EIF4EBP2: variants seen among roughly 807,000 people sequenced by gnomAD.
The protein encoded by EIF4EBP2 is eukaryotic translation initiation factor 4E binding protein 2, also known as eukaryotic translation initiation factor 4E-binding protein 2.
Under a neutral mutation model 10.3 loss-of-function variants are expected in EIF4EBP2, and 5 were observed. The observed-to-expected ratio is 0.48, with a 90% CI of 0.25 to 1.02. The LOEUF (loss-of-function observed/expected upper bound fraction) is 1.02, where lower values mean the gene tolerates loss of function less well. Among genes scored for constraint, EIF4EBP2 ranks in the 50% least tolerant of loss-of-function variants. The pLI, the probability that EIF4EBP2 is intolerant of heterozygous loss-of-function variation, is 0.15. For missense variants in EIF4EBP2, 188 were observed against 162.2 expected (o/e 1.16, Z -0.86); for synonymous variants, 67 against 61.1 (o/e 1.10, Z -0.45).
chr10:70,404,355 G>C lies in EIF4EBP2; in HGVS notation c.-47G>C. ...GAGCCGAAGCAGCCCCGGCCCCGCC[G>C]CCGCCGCCTGCCCGCCGGACAAAGC... On this transcript the variant is annotated 5_prime_UTR_variant, in exon 1 of 3. Coordinates refer to ENST00000373218, the MANE Select transcript of EIF4EBP2 (RefSeq NM_004096.5). The C allele has an allele frequency of 6.7e-7, 1 of 1,488,780 alleles. No individual in the cohort carries two copies. The highest frequency in any genetic ancestry group is 8.9e-7 in the Non-Finnish European group (1 of 1,122,626). The allele number at this position is 1,488,780 out of a possible 1,614,324, so 92.2% of individuals were successfully genotyped here.
In EIF4EBP2 at chr10:70,422,524, C is replaced by T. The variant is rs542132313; in HGVS notation, c.*777C>T. 1 of 152,266 alleles carries T rather than the reference C, an allele frequency of 6.6e-6. No homozygotes were observed. Among genetic ancestry groups the T allele is most frequent in the South Asian group, 2.1e-4 (1 of 4,828 alleles). 9.4% of individuals were successfully genotyped at this position (152,266 alleles called of 1,614,324 possible). A position where few individuals can be genotyped will look rare whatever the true frequency, so the allele number is the denominator to read the frequency against. Reference sequence around the variant, plus strand: ...GCCCTTGGTAACCAGTTTTGCTCTTCTTCTGCCACTCCTCCCTGCTTGCAT... The same window carrying T: ...GCCCTTGGTAACCAGTTTTGCTCTTTTTCTGCCACTCCTCCCTGCTTGCAT... On this transcript the variant is annotated 3_prime_UTR_variant, in exon 3 of 3. Coordinates refer to ENST00000373218, the MANE Select transcript of EIF4EBP2 (RefSeq NM_004096.5).
chr10:70,419,717 CTGGCAGAAGAGAAAGGGCATTCCAGA>C (rs1845134660), intron 1 of EIF4EBP2, among the ~76,000 whole-genome samples, 171 bp from the exon 2 acceptor site: 1 of 151,982 alleles, frequency 6.6e-6, no homozygotes, highest in Non-Finnish European at 1.5e-5. Flanking sequence ...AGGAGTGTCC[CTGGCAGAAGAGAAAGGGCATTCCAGA>C]TGGCAGAAGA....
At chr10:70,406,253 G>T (rs557234201) in intron 1 of EIF4EBP2, among the ~76,000 whole-genome samples, 2 of 152,332 alleles carry the variant, frequency 1.3e-5, no homozygotes, top group South Asian at 4.1e-4. Flanking sequence ...GATTACAGGC[G>T]TGAGCCACTG....
chr10:70,415,855 C>A (rs1845089259), intron 1 of EIF4EBP2, among the ~76,000 whole-genome samples: 1 of 150,882 alleles, frequency 6.6e-6, no homozygotes. Flanking sequence ...AGATATGACT[C>A]CAAAAGCACA....
intron 2 of EIF4EBP2, among the ~76,000 whole-genome samples, 189 bp from the exon 3 acceptor site, chr10:70,421,527 G>A (rs1304557535): frequency 2.0e-5 from 3 of 152,216 alleles, no homozygotes; most frequent in Non-Finnish European, 4.4e-5. Flanking sequence ...CTCCCCATGG[G>A]TGATGGGACT....
intron 1 of EIF4EBP2, among the ~76,000 whole-genome samples, chr10:70,406,282 C>T (rs1373295380): frequency 6.6e-6 from 1 of 152,178 alleles, no homozygotes. Context: ...CAAGATCTTG[C>T]TTTTTAATCC....
chr10:70,404,571 G>C, intron 1 of EIF4EBP2, 25 bp downstream of exon 1: 1 of 1,514,832 alleles, frequency 6.6e-7, no homozygotes, highest in Non-Finnish European at 8.8e-7. Flanking sequence ...GCCGTCCGCC[G>C]CGCCCGGTGT....
chr10:70,418,073 G>C (rs1247600288), intron 1 of EIF4EBP2, among the ~76,000 whole-genome samples: 1 of 152,196 alleles, frequency 6.6e-6, no homozygotes. Flanking sequence ...CAACATGATA[G>C]TATTAGGAGG....
intron 1 of EIF4EBP2, among the ~76,000 whole-genome samples, chr10:70,416,586 A>AG: frequency 6.6e-6 from 1 of 151,648 alleles, no homozygotes; most frequent in African/African-American, 2.4e-5. Flanking sequence ...TCAAAAAAAA[A>AG]AAAAAAAAAC....
intron 2 of EIF4EBP2, among the ~76,000 whole-genome samples, chr10:70,421,479 T>TG (rs1174034928): frequency 6.6e-6 from 1 of 152,164 alleles, no homozygotes; most frequent in Non-Finnish European, 1.5e-5. Context: ...AAAGGGACAA[T>TG]GGGGATGTTT....
At chr10:70,417,406 A>G (rs1302072188) in intron 1 of EIF4EBP2, among the ~76,000 whole-genome samples, 1 of 152,178 alleles carries the variant, frequency 6.6e-6, no homozygotes, top group Non-Finnish European at 1.5e-5. Flanking sequence ...AAAGGGTTCT[A>G]AAATTGATTA....
In EIF4EBP2 at chr10:70,404,369, G is replaced by T. The variant is rs781550418; in HGVS notation, c.-33G>T. On this transcript the variant is annotated 5_prime_UTR_variant, in exon 1 of 3. Coordinates refer to ENST00000373218, the MANE Select transcript of EIF4EBP2 (RefSeq NM_004096.5). The stretch of plus-strand genomic sequence containing the variant: ...CCGGCCCCGCCGCCGCCGCCTGCCC[G>T]CCGGACAAAGCCGAGAGCCCGCGCC... 3 of 1,503,704 alleles carry T rather than the reference G, an allele frequency of 2.0e-6. No homozygotes were observed. The highest frequency in any genetic ancestry group is 2.7e-6 in the Non-Finnish European group (3 of 1,127,652). The allele number at this position is 1,503,704 out of a possible 1,614,324, so 93.1% of individuals were successfully genotyped here. A position where few individuals can be genotyped will look rare whatever the true frequency, so the allele number is the denominator to read the frequency against.
Position 70,420,051 on chromosome 10 carries a change from G to A in EIF4EBP2, c.283G>A (p.Val95Ile). The change falls in exon 2 of 3, where the codon GTA becomes ATA. Residue 95 changes from valine (V) to isoleucine (I), a missense_variant. Coordinates refer to ENST00000373218, the MANE Select transcript of EIF4EBP2 (RefSeq NM_004096.5). ...GTLIEDSKVE[V>I]NNLNNLNNHD... ...CTTAATTGAAGACTCCAAAGTAGAA[G>A]TAAACAATTTGAACAACTTGAACAA... 1 of 1,611,804 alleles carries A rather than the reference G, an allele frequency of 6.2e-7. No homozygotes were observed. Among genetic ancestry groups the A allele is most frequent in the Non-Finnish European group, 8.5e-7 (1 of 1,179,282 alleles).
chr10:70,409,652 T>C (rs1845021535), intron 1 of EIF4EBP2, among the ~76,000 whole-genome samples: 1 of 152,366 alleles, frequency 6.6e-6, no homozygotes, highest in East Asian at 1.9e-4. Context: ...ACCTCTGGAA[T>C]GCTAGCTAAT....
chr10:70,420,300 A>G (rs976129834), intron 2 of EIF4EBP2, among the ~76,000 whole-genome samples: 3 of 152,078 alleles, frequency 2.0e-5, no homozygotes, highest in Non-Finnish European at 4.4e-5. Flanking sequence ...CCTGGGTTCA[A>G]GCGTTTCTCC....
intron 1 of EIF4EBP2, among the ~76,000 whole-genome samples, chr10:70,413,637 CAG>C (rs1845065578): frequency 7.0e-6 from 1 of 142,904 alleles, no homozygotes; most frequent in Non-Finnish European, 1.5e-5. Context: ...AAAAAGAAAT[CAG>C]AGTTTGTAAC....
intron 1 of EIF4EBP2, among the ~76,000 whole-genome samples, chr10:70,414,556 TAAAAG>T (rs1160494291): frequency 6.6e-6 from 1 of 152,162 alleles, no homozygotes; most frequent in Non-Finnish European, 1.5e-5. Context: ...GGTTGCAAGA[TAAAAG>T]AGCCATATAG....
In EIF4EBP2 at chr10:70,428,020, G is replaced by A. The variant is rs1361426229; in HGVS notation, c.*6273G>A. On this transcript the variant is annotated 3_prime_UTR_variant, in exon 3 of 3. Coordinates refer to ENST00000373218, the MANE Select transcript of EIF4EBP2 (RefSeq NM_004096.5). ...GGTACTTTTAACTGGAAACTGGGGA[G>A]GAGGGAAGAACACTAGCAGGGAGCT... 1 of 150,730 alleles carries A rather than the reference G, an allele frequency of 6.6e-6. No individual in the cohort carries two copies. Among genetic ancestry groups the A allele is most frequent in the East Asian group, 1.9e-4 (1 of 5,156 alleles). The allele number at this position is 150,730 out of a possible 1,614,324, so 9.3% of individuals were successfully genotyped here. A position where few individuals can be genotyped will look rare whatever the true frequency, so the allele number is the denominator to read the frequency against.
intron 1 of EIF4EBP2, among the ~76,000 whole-genome samples, chr10:70,408,700 C>T (rs1845009581): frequency 2.0e-5 from 3 of 152,010 alleles, no homozygotes; most frequent in Admixed American, 2.0e-4. Context: ...TTTTGTGTGC[C>T]CAGGGGAGTG....
Sources: gnomAD v4.1 joint callset for allele counts (sites outside exome capture counted in the v4.1 genomes callset) on GRCh38, gnomAD v4.1.1 for gene constraint, MANE v1.5 for transcripts, NCBI Gene and HGNC (gene_info 2026-07-23, HGNC 2026-07-21) for gene names.